NUMB: variants seen among roughly 807,000 people sequenced by gnomAD.
The protein encoded by NUMB is NUMB endocytic adaptor protein, also known as protein numb homolog.
Under a neutral mutation model 59.7 loss-of-function variants are expected in NUMB, and 29 were observed. The ratio of observed to expected loss-of-function variants is 0.49; its 90% CI spans 0.36 to 0.66. NUMB has a LOEUF of 0.66. NUMB is among the 30% of genes least tolerant of loss of function. The pLI is 0.00. For synonymous variants in NUMB, 288 were observed against 288.2 expected (o/e 1.00, Z 0.01); for missense variants, 723 against 822.0 (o/e 0.88, Z 1.47).
intron 2 of NUMB, among the ~76,000 whole-genome samples, chr14:73,394,789 G>C (rs1896036778): frequency 6.6e-6 from 1 of 151,948 alleles, no homozygotes; most frequent in Non-Finnish European, 1.5e-5. Flanking sequence ...GTATTTGTCT[G>C]TCTTTTCTTT....
At chr14:73,324,077 G>A (rs1891541298) in intron 4 of NUMB, among the ~76,000 whole-genome samples, 1 of 152,164 alleles carries the variant, frequency 6.6e-6, no homozygotes, top group Admixed American at 6.5e-5. Context: ...TGTTATTTAT[G>A]CCCTCCCTGG....
rs553667849 is a variant in NUMB at position 73,340,847 on chromosome 14, C to T, written c.126+14779G>A. 5.3e-5 allele frequency among the ~76,000 whole-genome samples: 8 copies of T among 152,294 alleles called. No homozygotes were observed. The South Asian group carries it at 1.0e-3, about 20-fold the overall frequency. ...CTGAAATCTCATCTTGAATTGTAAT[C>T]GCCATGTGTCACGGGAGGAACCTGA... On this transcript the variant is annotated intron_variant, in intron 4 of 12. Transcript: ENST00000555238.
chr14:73,299,549 T>G (rs146607621), intron 6 of NUMB, among the ~76,000 whole-genome samples: 2 of 116,634 alleles, frequency 1.7e-5, no homozygotes, highest in African/African-American at 7.5e-5. Flanking sequence ...ATGTCATATA[T>G]GTATCATATA....
intron 1 of NUMB, among the ~76,000 whole-genome samples, chr14:73,436,604 C>T (rs900405307): frequency 6.6e-6 from 1 of 152,096 alleles, no homozygotes; most frequent in Non-Finnish European, 1.5e-5. Flanking sequence ...AAGCGTGAGC[C>T]ACCGTGCCCA....
intron 5 of NUMB, chr14:73,322,836 ATTATT>A (rs1311251068): frequency 1.8e-5 from 3 of 163,358 alleles, no homozygotes; most frequent in Non-Finnish European, 3.9e-5. Flanking sequence ...TTTTTTAATT[ATTATT>A]TTATTATTTA....
chr14:73,276,529 C>T lies in NUMB; in HGVS notation c.*49G>A, dbSNP rs758548890. ...TCTGTTTTGCTCCTTTGACCGCTAC[C>T]CCCTGCTCCCTGTCTGGTATGGACA... is the stretch of plus-strand genomic sequence containing the variant. On this transcript the variant is annotated 3_prime_UTR_variant, in exon 13 of 13. Coordinates refer to ENST00000555238, the MANE Select transcript of NUMB (RefSeq NM_001005743.2). The T allele has an allele frequency of 6.8e-7, 1 of 1,464,664 alleles. No individual in the cohort carries two copies. The highest frequency in any genetic ancestry group is 9.4e-7 in the Non-Finnish European group (1 of 1,061,366). 90.7% of individuals were successfully genotyped at this position (1,464,664 alleles called of 1,614,324 possible).
At chr14:73,402,229 T>C (rs1337031961) in intron 2 of NUMB, among the ~76,000 whole-genome samples, 1 of 152,162 alleles carries the variant, frequency 6.6e-6, no homozygotes, top group East Asian at 1.9e-4. Context: ...CAGCTATTTT[T>C]CTTCAACAGA....
intron 1 of NUMB, among the ~76,000 whole-genome samples, chr14:73,419,905 G>T (rs189455941): frequency 6.6e-6 from 1 of 152,136 alleles, no homozygotes; most frequent in African/African-American, 2.4e-5. Context: ...TTGCCCTGTC[G>T]CCCAGAATGG....
At chr14:73,350,266 C>T (rs536837381) in intron 4 of NUMB, among the ~76,000 whole-genome samples, 28 of 151,090 alleles carry the variant, frequency 1.9e-4, no homozygotes, top group African/African-American at 5.3e-4. Flanking sequence ...CTCTGCCTCC[C>T]GGGTTCAAGC....
chr14:73,362,116 G>A (rs1894126117), intron 3 of NUMB, among the ~76,000 whole-genome samples: 1 of 151,986 alleles, frequency 6.6e-6, no homozygotes, highest in Non-Finnish European at 1.5e-5. Flanking sequence ...AACTAGCCAG[G>A]CATGGTGCTG....
chr14:73,430,749 G>C (rs1444509774), intron 1 of NUMB, among the ~76,000 whole-genome samples: 1 of 151,924 alleles, frequency 6.6e-6, no homozygotes, highest in Non-Finnish European at 1.5e-5. Context: ...AGACCATTCT[G>C]GCTAACACGG....
intron 6 of NUMB, among the ~76,000 whole-genome samples, chr14:73,314,953 T>C (rs1045330679): frequency 6.6e-6 from 1 of 152,134 alleles, no homozygotes; most frequent in Non-Finnish European, 1.5e-5. Context: ...CAGGAAATAA[T>C]AAGATTCTTT....
intron 4 of NUMB, among the ~76,000 whole-genome samples, chr14:73,330,631 C>G (rs1291125118): frequency 6.6e-6 from 1 of 152,104 alleles, no homozygotes; most frequent in Non-Finnish European, 1.5e-5. Flanking sequence ...GACTTAATAC[C>G]TACAAAGTAC....
At chr14:73,364,733 A>G (rs1237163474) in intron 3 of NUMB, among the ~76,000 whole-genome samples, 1 of 151,900 alleles carries the variant, frequency 6.6e-6, no homozygotes, top group African/African-American at 2.4e-5. Flanking sequence ...GCTTAAAGCA[A>G]TCCTTCCACT....
Position 73,276,503 on chromosome 14 carries a change from G to C in NUMB, c.*75C>G, listed in dbSNP as rs1050480. On this transcript the variant is annotated 3_prime_UTR_variant, in exon 13 of 13. Coordinates refer to ENST00000555238, the MANE Select transcript of NUMB (RefSeq NM_001005743.2). Reference sequence around the variant, plus strand: ...AAAAGAGTACTAATCAGGAGACAAAGTCTGTTTTGCTCCTTTGACCGCTAC... The same window carrying C: ...AAAAGAGTACTAATCAGGAGACAAACTCTGTTTTGCTCCTTTGACCGCTAC... 1.3e-4 allele frequency: 154 copies of C among 1,160,108 alleles called. No individual in the cohort carries two copies. The highest frequency in any genetic ancestry group is 1.8e-4 in the Non-Finnish European group (149 of 805,898). The allele number at this position is 1,160,108 out of a possible 1,614,324, so 71.9% of individuals were successfully genotyped here.
intron 4 of NUMB, among the ~76,000 whole-genome samples, chr14:73,328,454 T>A (rs1891782688): frequency 6.6e-6 from 1 of 152,182 alleles, no homozygotes; most frequent in Non-Finnish European, 1.5e-5. Flanking sequence ...TAGGTTTTCA[T>A]ATAAGAAATT....
At chr14:73,400,773 A>G (rs1896372623) in intron 2 of NUMB, among the ~76,000 whole-genome samples, 1 of 152,236 alleles carries the variant, frequency 6.6e-6, no homozygotes, top group Admixed American at 6.5e-5. Context: ...GGGTTTGGAG[A>G]GCTTCCGGAT....
At chr14:73,356,178 T>C (rs1397339693) in intron 3 of NUMB, among the ~76,000 whole-genome samples, 3 of 152,164 alleles carry the variant, frequency 2.0e-5, no homozygotes, top group Non-Finnish European at 4.4e-5. Flanking sequence ...GACCAAATTA[T>C]AGACTGCTAA....
At chr14:73,294,637 C>T (rs1889633858) in intron 7 of NUMB, among the ~76,000 whole-genome samples, 1 of 151,464 alleles carries the variant, frequency 6.6e-6, no homozygotes, top group South Asian at 2.1e-4. Context: ...CATGCCTCAG[C>T]CTCCCAAGTA....
Sources: gnomAD v4.1 joint callset for allele counts (sites outside exome capture counted in the v4.1 genomes callset) on GRCh38, gnomAD v4.1.1 for gene constraint, MANE v1.5 for transcripts, NCBI Gene and HGNC (gene_info 2026-07-23, HGNC 2026-07-21) for gene names.